Variants in GNAL observed in about 807,000 individuals in gnomAD.
The protein encoded by GNAL is guanine nucleotide-binding protein G(olf) subunit alpha.
GNAL carries 18 observed loss-of-function variants against 55.1 expected under a neutral mutation model. That is an observed-to-expected ratio of 0.33 (90% CI 0.23 to 0.48). GNAL has a LOEUF of 0.48. Ranked by LOEUF, GNAL falls within the 20% of genes least tolerant of loss-of-function variation. GNAL has a pLI of 0.99. For missense variants in GNAL, 412 were observed against 614.1 expected, an observed-to-expected ratio of 0.67 and a Z score of 3.48; for synonymous variants, 253 against 237.0, an observed-to-expected ratio of 1.07 and a Z score of -0.62.
At chr18:11,777,270 G>C (rs903254113) in intron 4 of GNAL, among the ~76,000 whole-genome samples, 1 of 152,068 alleles carries the variant, frequency 6.6e-6, no homozygotes, top group African/African-American at 2.4e-5. Context: ...CACTGAATTT[G>C]GTGAGAATTT....
At chr18:11,871,451 G>A (rs2586208) in intron 9 of GNAL, among the ~76,000 whole-genome samples, 41,139 of 151,866 alleles carry the variant, frequency 0.27, 6,439 homozygotes, top group African/African-American at 0.44. Flanking sequence ...GGGTTTCACA[G>A]TGTTGGTCAG....
intron 4 of GNAL, among the ~76,000 whole-genome samples, chr18:11,791,591 C>T (rs2034238941): frequency 6.6e-6 from 1 of 152,148 alleles, no homozygotes; most frequent in South Asian, 2.1e-4. Context: ...TAATAAGATA[C>T]TAAGCTCAGA....
chr18:11,728,968 G>A (rs1430380646), intron 1 of GNAL, among the ~76,000 whole-genome samples: 1 of 152,166 alleles, frequency 6.6e-6, no homozygotes, highest in Non-Finnish European at 1.5e-5. Flanking sequence ...GGATGGGATG[G>A]ACGAGTTAGT....
chr18:11,867,267 C>G (rs767759722), intron 8 of GNAL, 41 bp downstream of exon 8: 64 of 1,196,212 alleles, frequency 5.4e-5, no homozygotes, highest in Non-Finnish European at 7.6e-5. Flanking sequence ...GGAGTGAATT[C>G]TAACACTCAG....
chr18:11,836,157 C>T (rs980550246), intron 5 of GNAL, among the ~76,000 whole-genome samples: 1 of 151,500 alleles, frequency 6.6e-6, no homozygotes, highest in Non-Finnish European at 1.5e-5. Context: ...AAAAATAATA[C>T]TAATAGGCCG....
chr18:11,725,945 T>G (rs1350313520), intron 1 of GNAL, among the ~76,000 whole-genome samples: 1 of 152,224 alleles, frequency 6.6e-6, no homozygotes, highest in African/African-American at 2.4e-5. Context: ...TTTGGTGGTG[T>G]TGGTGTTTTC....
At chr18:11,719,242 A>G (rs1184139538) in intron 1 of GNAL, among the ~76,000 whole-genome samples, 1 of 152,136 alleles carries the variant, frequency 6.6e-6, no homozygotes, top group African/African-American at 2.4e-5. Context: ...AAATGAAGAC[A>G]CCAGTCACGT....
At chr18:11,869,117 A>G (rs951020595) in intron 9 of GNAL, among the ~76,000 whole-genome samples, 1 of 151,686 alleles carries the variant, frequency 6.6e-6, no homozygotes, top group East Asian at 1.9e-4. Flanking sequence ...GTATAGATAT[A>G]CTTAAAATGT....
At chr18:11,744,324 C>T (rs550032885) in intron 1 of GNAL, among the ~76,000 whole-genome samples, 13 of 152,170 alleles carry the variant, frequency 8.5e-5, no homozygotes, top group Non-Finnish European at 1.6e-4. Context: ...TCAATACATT[C>T]TAAAATATTT....
intron 4 of GNAL, among the ~76,000 whole-genome samples, chr18:11,801,837 C>T (rs978154571): frequency 2.6e-5 from 4 of 151,992 alleles, no homozygotes; most frequent in African/African-American, 9.7e-5. Context: ...CTGAAGGCTG[C>T]AGGTGGAGCA....
Position 11,758,959 on chromosome 18 carries a change from G to C in GNAL, c.624+5014G>C, listed in dbSNP as rs184308192. ...AGGCCAAGGCAGGTCAATCACCTGA[G>C]GTCAGGAGTTTGAGACCAGCCTGGC... On this transcript the variant is annotated intron_variant, in intron 4 of 11. Transcript: ENST00000334049. Among the ~76,000 whole-genome samples the C allele has an allele frequency of 5.3e-5, 8 of 152,000 alleles. No homozygotes were observed. The East Asian group carries it at 1.5e-3, about 29-fold the overall frequency.
Position 11,869,651 on chromosome 18 carries a change from G to A in GNAL, c.1031+988G>A, listed in dbSNP as rs139479424. 5.3e-3 allele frequency among the ~76,000 whole-genome samples: 808 copies of A among 152,282 alleles called. 11 individuals are homozygous for A. Among genetic ancestry groups the A allele is most frequent in the Non-Finnish European group, 7.9e-3 (536 of 68,028 alleles). ...ATAATACAAGATTACAGTGGCATAC[G>A]CCTATAATCCCAGCACTTTGGGAGG... is the stretch of plus-strand genomic sequence containing the variant. On this transcript the variant is annotated intron_variant, in intron 9 of 11. Transcript: ENST00000334049.
chr18:11,767,562 ACT>A (rs1040404264), intron 4 of GNAL, among the ~76,000 whole-genome samples: 5 of 149,126 alleles, frequency 3.4e-5, no homozygotes, highest in Non-Finnish European at 5.9e-5. Flanking sequence ...GCACACTTGC[ACT>A]CTCCACGCCC....
intron 5 of GNAL, chr18:11,854,257 C>T (rs1188528713): frequency 1.2e-5 from 2 of 167,078 alleles, no homozygotes; most frequent in Non-Finnish European, 2.9e-5. Context: ...TGAGATTAAA[C>T]AATGCTTGTA....
chr18:11,748,326 C>T (rs1261414849), intron 1 of GNAL, among the ~76,000 whole-genome samples: 1 of 152,174 alleles, frequency 6.6e-6, no homozygotes, highest in African/African-American at 2.4e-5. Context: ...GTCCCAGATA[C>T]TCTTCTTACT....
At chr18:11,699,145 C>T (rs971062029) in intron 1 of GNAL, among the ~76,000 whole-genome samples, 1 of 151,934 alleles carries the variant, frequency 6.6e-6, no homozygotes, top group Non-Finnish European at 1.5e-5. Context: ...CTGACAGCAC[C>T]CAGGATAATT....
intron 4 of GNAL, among the ~76,000 whole-genome samples, chr18:11,788,998 G>C (rs1388241360): frequency 2.7e-5 from 4 of 147,928 alleles, no homozygotes; most frequent in Middle Eastern, 3.3e-3. Context: ...GTTAAATGTA[G>C]AGTATTAGTT....
At chr18:11,806,008 G>A (rs2143537050) in intron 4 of GNAL, among the ~76,000 whole-genome samples, 1 of 152,200 alleles carries the variant, frequency 6.6e-6, no homozygotes, top group Admixed American at 6.5e-5. Flanking sequence ...TCCCCAGCAT[G>A]TTATTTTTTT....
At chr18:11,852,196 A>C in intron 5 of GNAL, 3 of 1,422,092 alleles carry the variant, frequency 2.1e-6, no homozygotes, top group South Asian at 1.5e-5. Context: ...TACCCTAGAA[A>C]CTCTGAACAC....
Sources: allele counts gnomAD v4.1 joint callset (sites outside exome capture counted in the v4.1 genomes callset), GRCh38; gene constraint gnomAD v4.1.1; transcripts MANE v1.5; gene names NCBI Gene and HGNC (gene_info 2026-07-23, HGNC 2026-07-21).